Variants in ABCC1 observed in about 807,000 individuals in gnomAD.
The protein encoded by ABCC1 is ATP binding cassette subfamily C member 1 (ABCC1 blood group), also known as multidrug resistance-associated protein 1.
Under a neutral mutation model 172.9 loss-of-function variants are expected in ABCC1, and 83 were observed. That is an observed-to-expected ratio of 0.48 (90% CI 0.40 to 0.58). The LOEUF (loss-of-function observed/expected upper bound fraction) is 0.58, where lower values mean the gene tolerates loss of function less well. ABCC1 is among the 20% of genes least tolerant of loss of function. The pLI is 0.00. For synonymous variants in ABCC1, 937 were observed against 825.2 expected, an observed-to-expected ratio of 1.14 and a Z score of -2.32; for missense variants, 1,817 against 2,002.7, an observed-to-expected ratio of 0.91 and a Z score of 1.77.
intron 1 of ABCC1, among the ~76,000 whole-genome samples, chr16:15,974,387 AG>A (rs61193106): frequency 0.86 from 129,930 of 151,664 alleles, 55,917 homozygotes; most frequent in African/African-American, 0.91. Context: ...AATGATGCTC[AG>A]ACCCCCATTA....
At chr16:16,037,245 A>T (rs564876419) in intron 7 of ABCC1, among the ~76,000 whole-genome samples, 179 of 152,216 alleles carry the variant, frequency 1.2e-3, no homozygotes, top group Middle Eastern at 0.01. Flanking sequence ...TTGCTGTTTG[A>T]ATGTTCTGTC....
intron 1 of ABCC1, among the ~76,000 whole-genome samples, chr16:15,963,610 A>G (rs1218161236): frequency 6.6e-6 from 1 of 152,170 alleles, no homozygotes; most frequent in African/African-American, 2.4e-5. Context: ...GCTCAATACC[A>G]CATGGAAGCT....
chr16:16,025,505 A>T (rs532138310), intron 5 of ABCC1, among the ~76,000 whole-genome samples: 5 of 152,314 alleles, frequency 3.3e-5, no homozygotes, highest in African/African-American at 1.2e-4. Context: ...TTGCTGCTGC[A>T]CGCATTGCCT....
At chr16:16,008,923 T>G (rs187482348) in intron 2 of ABCC1, among the ~76,000 whole-genome samples, 1 of 129,776 alleles carries the variant, frequency 7.7e-6, no homozygotes, top group African/African-American at 2.7e-5. Flanking sequence ...TCATAGTCAC[T>G]GTTTCCTGTT....
intron 20 of ABCC1, among the ~76,000 whole-genome samples, chr16:16,104,082 C>T (rs550289435): frequency 6.6e-6 from 1 of 152,214 alleles, no homozygotes; most frequent in South Asian, 2.1e-4. Flanking sequence ...TGTGCTCTGG[C>T]TGGCTTCAGG....
chr16:16,126,484 A>G (rs1460083642), intron 26 of ABCC1, among the ~76,000 whole-genome samples: 2 of 152,258 alleles, frequency 1.3e-5, no homozygotes, highest in South Asian at 2.1e-4. Context: ...CCCAGGTTCA[A>G]GTAATTCTCC....
chr16:16,058,179 C>T lies in ABCC1; in HGVS notation c.1677+1884C>T, dbSNP rs904378782. Among the ~76,000 whole-genome samples the T allele has an allele frequency of 7.9e-5, 12 of 152,114 alleles. No homozygotes were observed. In the South Asian group the frequency reaches 8.3e-4, roughly 11 times the overall value. On this transcript the variant is annotated intron_variant, in intron 12 of 30. Coordinates refer to ENST00000399410, the MANE Select transcript of ABCC1 (RefSeq NM_004996.4). ...GCAACTTACAATTTGCAAAGTTGGCCGCAAATCAGGAGACCATACAGAGAT... is the reference window on the plus strand; with the variant it reads ...GCAACTTACAATTTGCAAAGTTGGCTGCAAATCAGGAGACCATACAGAGAT...
intron 22 of ABCC1, among the ~76,000 whole-genome samples, 155 bp downstream of exon 22, chr16:16,111,737 ATATTTGTAGAG>A (rs2052398509): frequency 6.6e-6 from 1 of 152,108 alleles, no homozygotes; most frequent in Non-Finnish European, 1.5e-5. Flanking sequence ...AGACACTCAG[ATATTTGTAGAG>A]TGGGTGTTTG....
At chr16:15,991,539 A>G (rs1010804235) in intron 1 of ABCC1, among the ~76,000 whole-genome samples, 1 of 152,068 alleles carries the variant, frequency 6.6e-6, no homozygotes, top group Non-Finnish European at 1.5e-5. Flanking sequence ...GTCGCCAAGC[A>G]GGACCCCCAC....
In ABCC1 at chr16:16,052,736, T is replaced by C. The variant is rs1443098513; in HGVS notation, c.1393T>C (p.Ser465Pro). The change falls in exon 11 of 31, where the codon TCC (serine) becomes CCC (proline). Residue 465 changes from serine (S) to proline (P), a missense_variant. Transcript: ENST00000399410. The stretch of plus-strand genomic sequence containing the variant: ...TTTCCTTCCTTAGAATCTGGGCCCT[T>C]CCGTCCTGGCTGGAGTGGCGGTGAT... ...LYLLWLNLGPSVLAGVAVMVL... is the reference protein window; with the variant it reads ...LYLLWLNLGPPVLAGVAVMVL... 2 of 1,614,148 alleles carry C rather than the reference T, an allele frequency of 1.2e-6. No individual in the cohort carries two copies. The highest frequency in any genetic ancestry group is 3.3e-5 in the Admixed American group (2 of 60,006).
At position 16,056,194 on chromosome 16, in the gene ABCC1, G is replaced by C; in HGVS notation, c.1576G>C (p.Asp526His). The C allele has an allele frequency of 6.2e-7, 1 of 1,614,158 alleles. No individual in the cohort carries two copies. Among genetic ancestry groups the C allele is most frequent in the African/African-American group, 1.3e-5 (1 of 75,044 alleles). ...TTATGCCTGGGAGCTGGCATTCAAGGACAAGGTGCTGGCCATCAGGCAGGA... is the reference window on the plus strand; with the variant it reads ...TTATGCCTGGGAGCTGGCATTCAAGCACAAGGTGCTGGCCATCAGGCAGGA... ...KLYAWELAFK[D>H]KVLAIRQEEL... is the part of the protein sequence containing the mutation. Residue 526 changes from aspartate to histidine, a missense_variant, in exon 12 of 31, where the codon GAC (aspartate) becomes CAC (histidine). Physicochemically the swap from Asp to His is moderately conservative, Grantham distance 81. Coordinates refer to ENST00000399410, the MANE Select transcript of ABCC1 (RefSeq NM_004996.4).
Position 16,131,820 on chromosome 16 carries a change from C to T in ABCC1, c.3851C>T (p.Pro1284Leu). ...TGGCAAATCCAGGAGACAGCTCCGC[C>T]CAGCAGCTGGCCCCAGGTGGGCCGA... The part of the protein sequence containing the change: ...APWQIQETAP[P>L]SSWPQVGRVE... Residue 1284 changes from proline to leucine, a missense_variant, in exon 27 of 31, where the codon CCC becomes CTC. By Grantham distance (98) the Pro-to-Leu change is moderately conservative (BLOSUM62 -3). Around this residue, in one of 3 missense-constraint regions of ABCC1, gnomAD observed 1,412 missense variants for 1,600.3 expected, o/e 0.88. Coordinates refer to ENST00000399410, the MANE Select transcript of ABCC1 (RefSeq NM_004996.4). 6.2e-7 allele frequency: 1 copy of T among 1,614,154 alleles called. No homozygotes were observed.
intron 19 of ABCC1, among the ~76,000 whole-genome samples, chr16:16,096,865 G>A (rs1367432990): frequency 6.6e-6 from 1 of 152,060 alleles, no homozygotes; most frequent in Non-Finnish European, 1.5e-5. Context: ...ACACCTGGTG[G>A]TTGCATGAAC....
chr16:15,991,891 G>T (rs1252958006), intron 1 of ABCC1, among the ~76,000 whole-genome samples: 5 of 151,976 alleles, frequency 3.3e-5, no homozygotes, highest in African/African-American at 1.2e-4. Context: ...TAATACAGGG[G>T]TCCCCAATCC....
intron 1 of ABCC1, among the ~76,000 whole-genome samples, chr16:15,997,537 C>T (rs1199646215): frequency 6.6e-6 from 1 of 152,144 alleles, no homozygotes; most frequent in East Asian, 1.9e-4. Context: ...TCTGATTCTG[C>T]TCAGAGCGTG....
chr16:16,010,037 C>CTTTT lies in ABCC1; in HGVS notation c.351+156_351+159dup, dbSNP rs71388789. ...AGCTGGGATATAAATTAAATGTAGC[C>CTTTT]TTTTTTTTTTTTTTTTTTTTTTTAA... On this transcript the variant is annotated intron_variant, in intron 3 of 30. Transcript: ENST00000399410. The CTTTT allele has an allele frequency of 8.9e-3, 949 of 107,160 alleles. 20 individuals are homozygous for CTTTT. Among genetic ancestry groups the CTTTT allele is most frequent in the South Asian group, 0.017 (80 of 4,830 alleles). The allele number at this position is 107,160 out of a possible 1,614,324, so 6.6% of individuals were successfully genotyped here.
At chr16:16,073,211 C>G (rs1275950250) in intron 14 of ABCC1, among the ~76,000 whole-genome samples, 1 of 152,074 alleles carries the variant, frequency 6.6e-6, no homozygotes, top group Non-Finnish European at 1.5e-5. Context: ...CCCCCATTTT[C>G]CAGATGAAGA....
Position 16,045,870 on chromosome 16 carries a change from C to G in ABCC1, c.1075C>G (p.Pro359Ala). The change falls in exon 9 of 31, where the codon CCA becomes GCA. Residue 359 changes from proline (P) to alanine (A), a missense_variant. By Grantham distance (27) the Pro-to-Ala change is conservative. Transcript: ENST00000399410. ...LIKFVNDTKA[P>A]DWQGYFYTVL... Reference sequence around the variant, plus strand: ...CAAGTTCGTGAATGACACGAAGGCCCCAGACTGGCAGGGCTACTTCTACAC... The same window carrying G: ...CAAGTTCGTGAATGACACGAAGGCCGCAGACTGGCAGGGCTACTTCTACAC... 1 of 1,614,216 alleles carries G rather than the reference C, an allele frequency of 6.2e-7. No homozygotes were observed. Among genetic ancestry groups the G allele is most frequent in the Non-Finnish European group, 8.5e-7 (1 of 1,180,052 alleles).
chr16:16,004,140 G>C (rs2047430441), intron 1 of ABCC1, among the ~76,000 whole-genome samples: 1 of 150,858 alleles, frequency 6.6e-6, no homozygotes, highest in Non-Finnish European at 1.5e-5. Context: ...CTGTGGTGGG[G>C]AACACTGACT....
Sources: allele counts gnomAD v4.1 joint callset (sites outside exome capture counted in the v4.1 genomes callset), GRCh38; gene constraint gnomAD v4.1.1; regional missense constraint gnomAD v4.1.1; transcripts MANE v1.5; gene names NCBI Gene and HGNC (gene_info 2026-07-23, HGNC 2026-07-21).